Variants in DPY19L1 observed in about 807,000 individuals in gnomAD.
DPY19L1 encodes dpy-19 like C-mannosyltransferase 1, also known as protein C-mannosyl-transferase DPY19L1.
A neutral mutation model predicts 96.9 loss-of-function variants in DPY19L1; 35 were observed. That is an observed-to-expected ratio of 0.36 (90% CI 0.28 to 0.48). DPY19L1 has a LOEUF of 0.48. Among genes scored for constraint, DPY19L1 ranks in the 20% least tolerant of loss-of-function variants. DPY19L1 has a pLI of 0.99. For missense variants in DPY19L1, 521 were observed against 777.9 expected (o/e 0.67, Z 3.93); for synonymous variants, 205 against 252.6 (o/e 0.81, Z 1.79).
At chr7:35,030,786 T>C (rs949125631) in intron 1 of DPY19L1, among the ~76,000 whole-genome samples, 3 of 152,196 alleles carry the variant, frequency 2.0e-5, no homozygotes, top group African/African-American at 7.2e-5. Context: ...GCTTTTTAAA[T>C]GTATTTATAT....
chr7:35,019,417 C>T (rs1468853498), intron 1 of DPY19L1, among the ~76,000 whole-genome samples: 1 of 152,010 alleles, frequency 6.6e-6, no homozygotes, highest in East Asian at 1.9e-4. Flanking sequence ...ACAGCCACTG[C>T]TCTCTAGCCT....
intron 6 of DPY19L1, among the ~76,000 whole-genome samples, chr7:35,001,589 C>A (rs1785427760): frequency 6.6e-6 from 1 of 152,114 alleles, no homozygotes. Context: ...CCCTAAAAGA[C>A]CTCTGTTACT....
intron 6 of DPY19L1, among the ~76,000 whole-genome samples, chr7:34,998,487 C>T (rs1785344514): frequency 6.6e-6 from 1 of 152,124 alleles, no homozygotes; most frequent in South Asian, 2.1e-4. Context: ...TGTGCTCAGC[C>T]CTCATGCATA....
rs1447449835 is a variant in DPY19L1 at position 34,958,033 on chromosome 7, T to C, written c.1130A>G (p.Asn377Ser). 1 of 1,586,692 alleles carries C rather than the reference T, an allele frequency of 6.3e-7. No individual in the cohort carries two copies. The highest frequency in any genetic ancestry group is 8.5e-7 in the Non-Finnish European group (1 of 1,172,244). Reference sequence around the variant, plus strand: ...ATAATAAGAAGTTAATAACATTGAGTTCCCAAACATCAAAACAAAACAAAG... The same window carrying C: ...ATAATAAGAAGTTAATAACATTGAGCTCCCAAACATCAAAACAAAACAAAG... ...LALCFVLMFG[N>S]SMLLTSYYAS... Residue 377 changes from asparagine to serine, a missense_variant, in exon 11 of 22, where the codon AAC becomes AGC. Physicochemically the swap from Asn to Ser is conservative, Grantham distance 46 (BLOSUM62 1). Transcript: ENST00000638088.
At chr7:34,943,531 G>A (rs1246387806) in intron 16 of DPY19L1, among the ~76,000 whole-genome samples, 1 of 152,146 alleles carries the variant, frequency 6.6e-6, no homozygotes, top group Non-Finnish European at 1.5e-5. Flanking sequence ...GGGTCTTTGA[G>A]TAAAGAGAAT....
intron 7 of DPY19L1, among the ~76,000 whole-genome samples, chr7:34,977,845 G>T (rs533926219): frequency 1.3e-5 from 2 of 151,936 alleles, no homozygotes; most frequent in East Asian, 3.9e-4. Flanking sequence ...AATGTATGTT[G>T]TTTCTAAGTA....
intron 1 of DPY19L1, among the ~76,000 whole-genome samples, chr7:35,020,127 T>C (rs1357648414): frequency 2.6e-5 from 4 of 152,192 alleles, no homozygotes; most frequent in Non-Finnish European, 2.9e-5. Context: ...AACAAGACCC[T>C]GTCTCTAAAG....
At chr7:34,953,395 C>G (rs750307982) in intron 13 of DPY19L1, among the ~76,000 whole-genome samples, 11 of 152,036 alleles carry the variant, frequency 7.2e-5, no homozygotes, top group Non-Finnish European at 1.6e-4. Flanking sequence ...TCATGTTCCC[C>G]CAGTGAGTAA....
chr7:34,990,412 C>T (rs530774154), intron 6 of DPY19L1, among the ~76,000 whole-genome samples: 3 of 152,314 alleles, frequency 2.0e-5, no homozygotes, highest in African/African-American at 4.8e-5. Flanking sequence ...CCTACCTGCT[C>T]CTAGAAATTC....
chr7:35,000,278 T>G (rs1240288714), intron 6 of DPY19L1: 2 of 152,150 alleles, frequency 1.3e-5, no homozygotes, highest in Non-Finnish European at 2.9e-5. Context: ...ATTTTAACCT[T>G]GGCTTGAAAA....
At chr7:35,036,141 A>T (rs1786393937) in intron 1 of DPY19L1, among the ~76,000 whole-genome samples, 1 of 152,104 alleles carries the variant, frequency 6.6e-6, no homozygotes, top group African/African-American at 2.4e-5. Flanking sequence ...CTATTCCTTG[A>T]CTTATACTGG....
At chr7:34,945,090 G>A (rs1192353336) in intron 16 of DPY19L1, among the ~76,000 whole-genome samples, 1 of 152,090 alleles carries the variant, frequency 6.6e-6, no homozygotes, top group Non-Finnish European at 1.5e-5. Flanking sequence ...CTCCCTTCAG[G>A]AGATACGGGT....
chr7:34,954,480 C>T (rs914293264), intron 13 of DPY19L1: 1 of 310,196 alleles, frequency 3.2e-6, no homozygotes, highest in Non-Finnish European at 6.0e-6. Context: ...ATTTTAGTGA[C>T]ATAGAAGGAC....
chr7:35,024,893 T>C lies in DPY19L1; in HGVS notation c.299-6297A>G, dbSNP rs116044008. ...TATAATTCATCTTTACACTACCTAG[T>C]ATCATGCCTGGCACTTCGCTGAGTT... On this transcript the variant is annotated intron_variant, in intron 1 of 21. Coordinates refer to ENST00000638088, the MANE Select transcript of DPY19L1 (RefSeq NM_001366673.1). 2.9e-3 allele frequency among the ~76,000 whole-genome samples: 449 copies of C among 152,322 alleles called. 3 individuals are homozygous for C. Among genetic ancestry groups the C allele is most frequent in the African/African-American group, 0.011 (439 of 41,578 alleles).
At chr7:35,037,845 C>T (rs1420662124), upstream of DPY19L1, 5 of 1,233,308 alleles carry the variant, frequency 4.1e-6, no homozygotes, top group Admixed American at 4.2e-5. Flanking sequence ...GGGGCTCGGC[C>T]GGTGCGAGGA....
intron 14 of DPY19L1, among the ~76,000 whole-genome samples, chr7:34,949,485 A>C (rs1398437756): frequency 1.3e-5 from 2 of 152,238 alleles, no homozygotes; most frequent in Admixed American, 6.5e-5. Flanking sequence ...GTGGAAATGT[A>C]AGAGTTTGAG....
At chr7:34,980,037 T>C (rs1333545234) in intron 7 of DPY19L1, among the ~76,000 whole-genome samples, 1 of 152,154 alleles carries the variant, frequency 6.6e-6, no homozygotes, top group Non-Finnish European at 1.5e-5. Context: ...TAAGGCAGTG[T>C]GATACTGGCT....
At chr7:34,944,698 T>C (rs1784104820) in intron 16 of DPY19L1, among the ~76,000 whole-genome samples, 1 of 152,202 alleles carries the variant, frequency 6.6e-6, no homozygotes, top group African/African-American at 2.4e-5. Flanking sequence ...AGTAGATATT[T>C]TGGATGTTTC....
chr7:34,967,455 A>C (rs765668971), intron 9 of DPY19L1, among the ~76,000 whole-genome samples: 4 of 152,184 alleles, frequency 2.6e-5, no homozygotes, highest in Non-Finnish European at 5.9e-5. Flanking sequence ...CATTAATACA[A>C]ATATTCAAGA....
Sources: allele counts gnomAD v4.1 joint callset (sites outside exome capture counted in the v4.1 genomes callset), GRCh38; gene constraint gnomAD v4.1.1; transcripts MANE v1.5; gene names NCBI Gene and HGNC (gene_info 2026-07-23, HGNC 2026-07-21).